The following PCDHGB3 variants were observed in gnomAD, a reference collection of about 807,000 sequenced individuals.
The protein encoded by PCDHGB3 is protocadherin gamma-B3.
PCDHGB3 carries 40 observed loss-of-function variants against 59.2 expected under a neutral mutation model. The observed-to-expected ratio is 0.68, with a 90% CI of 0.52 to 0.88. The LOEUF (loss-of-function observed/expected upper bound fraction) is 0.88, where lower values mean the gene tolerates loss of function less well. Among genes scored for constraint, PCDHGB3 ranks in the 40% least tolerant of loss-of-function variants. The probability of loss-of-function intolerance (pLI) is 0.00; values close to 1 mark genes in which losing one functional copy is unlikely to be tolerated. For synonymous variants in PCDHGB3, 581 were observed against 503.6 expected (o/e 1.15, Z -2.06); for missense variants, 1,309 against 1,187.9 (o/e 1.10, Z -1.50).
At chr5:141,418,066 C>T (rs777602456) in intron 1 of PCDHGB3, 1 of 1,613,980 alleles carries the variant, frequency 6.2e-7, no homozygotes, top group Non-Finnish European at 8.5e-7. Flanking sequence ...TGCGAGTGAG[C>T]GCGGAGAAGC....
At chr5:141,375,730 C>T in intron 1 of PCDHGB3, 3 of 1,614,266 alleles carry the variant, frequency 1.9e-6, no homozygotes, top group Non-Finnish European at 2.5e-6. Context: ...TGTCACTGAG[C>T]CTGTTTGTGC....
At chr5:141,398,864 T>A (rs1399067876) in intron 1 of PCDHGB3, 1 of 1,613,768 alleles carries the variant, frequency 6.2e-7, no homozygotes, top group Non-Finnish European at 8.5e-7. Context: ...AACCGAGACG[T>A]GTACAGAGTC....
chr5:141,432,659 G>A lies in PCDHGB3; in HGVS notation c.2415+59850G>A. On this transcript the variant is annotated intron_variant, in intron 1 of 3. Coordinates refer to ENST00000576222, the MANE Select transcript of PCDHGB3 (RefSeq NM_018924.5). This position sits in a 1 kb window ranked among gnomAD's most constrained non-coding sequence, Gnocchi z 6.0. ...GGTGCGCACGGCGCGAGCCCTGCTG[G>A]ACAGAGACGCGCTCAAGCAGAGCCT... 1 of 1,613,884 alleles carries A rather than the reference G, an allele frequency of 6.2e-7. No homozygotes were observed. The highest frequency in any genetic ancestry group is 8.5e-7 in the Non-Finnish European group (1 of 1,179,956).
chr5:141,425,566 G>T (rs532293951), intron 1 of PCDHGB3, among the ~76,000 whole-genome samples: 1 of 152,348 alleles, frequency 6.6e-6, no homozygotes, highest in Admixed American at 6.5e-5. Context: ...TAAGTGATAA[G>T]AAGGGTTTGG....
rs368792885 is a variant in PCDHGB3, at chr5:141,394,552, G to A, written c.2415+21743G>A. 7.4e-5 allele frequency: 119 copies of A among 1,613,952 alleles called. No homozygotes were observed. Among genetic ancestry groups the A allele is most frequent in the Admixed American group, 8.3e-5 (5 of 60,012 alleles). On this transcript the variant is annotated intron_variant, in intron 1 of 3. Transcript: ENST00000576222. ...TCCACTGGCGTGGAGCTGGCGCCCCGCTCCGCAGAGCGTGGCTACCTGGTG... is the reference window on the plus strand; with the variant it reads ...TCCACTGGCGTGGAGCTGGCGCCCCACTCCGCAGAGCGTGGCTACCTGGTG...
chr5:141,500,176 A>ATTTT (rs1468241826), intron 2 of PCDHGB3, among the ~76,000 whole-genome samples: 91 of 145,916 alleles, frequency 6.2e-4, no homozygotes, highest in African/African-American at 2.3e-3. Context: ...CATGAGCTTC[A>ATTTT]TTTTTATTTT....
At position 141,432,207 on chromosome 5, in the gene PCDHGB3, A is replaced by G. The variant is rs1181424938; in HGVS notation, c.2415+59398A>G. 3 of 1,614,176 alleles carry G rather than the reference A, an allele frequency of 1.9e-6. No homozygotes were observed. The highest frequency in any genetic ancestry group is 2.5e-6 in the Non-Finnish European group (3 of 1,180,026). ...ACCGCCCACGACCCCGACTGTGAAG[A>G]GAACGCCCAGATCACTTATTCCCTG... On this transcript the variant is annotated intron_variant, in intron 1 of 3. Transcript: ENST00000576222. The surrounding 1 kb of genome is among the most constrained non-coding windows in gnomAD (Gnocchi z 6.0).
chr5:141,504,010 C>G (rs980812107), intron 2 of PCDHGB3, among the ~76,000 whole-genome samples: 9 of 152,204 alleles, frequency 5.9e-5, no homozygotes, highest in African/African-American at 1.2e-4. Context: ...TTAACTGTCT[C>G]TGCTGGTCTC....
chr5:141,422,276 T>G, intron 1 of PCDHGB3: 3 of 1,558,820 alleles, frequency 1.9e-6, no homozygotes, highest in South Asian at 1.3e-5. Context: ...GAAATAACTA[T>G]CACCTCTTCT....
intron 2 of PCDHGB3, among the ~76,000 whole-genome samples, chr5:141,495,912 CTT>C (rs1210428397): frequency 6.6e-6 from 1 of 152,140 alleles, no homozygotes; most frequent in Admixed American, 6.6e-5. Flanking sequence ...CTCTGTATAT[CTT>C]TCTTTGTCTC....
chr5:141,421,054 A>G, intron 1 of PCDHGB3: 3 of 571,978 alleles, frequency 5.2e-6, no homozygotes, highest in Non-Finnish European at 9.0e-6. Context: ...CGCCTCTACC[A>G]CACAAAGCGG....
rs372975056 is a variant in PCDHGB3 at position 141,370,964 on chromosome 5, G to A, written c.570G>A (p.Arg190=). Residue 190 remains arginine, a synonymous_variant, in exon 1 of 4, where the codon AGG becomes AGA. Transcript: ENST00000576222. ...AGAAGGAGAACCTGGATGGCAGTAG[G>A]TACCCAGAGCTAGTACTGAAAGCAC... ...LIQKENLDGS[R]YPELVLKAPL... 4.4e-5 allele frequency: 71 copies of A among 1,613,848 alleles called. No individual in the cohort carries two copies. The highest frequency in any genetic ancestry group is 5.6e-5 in the Non-Finnish European group (66 of 1,179,880).
At chr5:141,378,089 T>C (rs1272599640) in intron 1 of PCDHGB3, 1 of 152,254 alleles carries the variant, frequency 6.6e-6, no homozygotes, top group East Asian at 1.9e-4. Flanking sequence ...TATAACTTTT[T>C]TTCAAACTCT....
intron 1 of PCDHGB3, chr5:141,395,349 CAG>C: frequency 7.2e-7 from 1 of 1,382,548 alleles, no homozygotes; most frequent in South Asian, 1.5e-5. Flanking sequence ...AGGTGTATCA[CAG>C]AGTTTTGGGT....
rs1289069128 is a variant in PCDHGB3, at chr5:141,370,580, T to C, written c.186T>C (p.Pro62=). The change falls in exon 1 of 4, where the codon CCT becomes CCC. Residue 62 remains proline, a synonymous_variant. Transcript: ENST00000576222. Reference sequence around the variant, plus strand: ...TGGGGTTTGGCGTGGGGGATTTACCTACTAGGAACCTGCGGGTTATTGCAG... The same window carrying C: ...TGGGGTTTGGCGTGGGGGATTTACCCACTAGGAACCTGCGGGTTATTGCAG... ...KDLGFGVGDL[P]TRNLRVIAEK... is the part of the protein sequence containing the mutation. 6.2e-7 allele frequency: 1 copy of C among 1,613,918 alleles called. No individual in the cohort carries two copies. The highest frequency in any genetic ancestry group is 8.5e-7 in the Non-Finnish European group (1 of 1,179,876).
Position 141,491,456 on chromosome 5 carries a change from C to A in PCDHGB3, c.2416-3351C>A. ...TGCAGGCGCCAGGACTCACCCTCCC[C>A]GGACTTCTATAAGCAGTCCAGCCCC... On this transcript the variant is annotated intron_variant, in intron 1 of 3. Coordinates refer to ENST00000576222, the MANE Select transcript of PCDHGB3 (RefSeq NM_018924.5). The surrounding 1 kb of genome is among the most constrained non-coding windows in gnomAD (Gnocchi z 6.9). 1.2e-6 allele frequency: 2 copies of A among 1,614,104 alleles called. No homozygotes were observed.
Position 141,487,945 on chromosome 5 carries a change from G to A in PCDHGB3, c.2416-6862G>A, listed in dbSNP as rs2099669554. ...CAGTGCACAGGGTACAGTGCACCAG[G>A]CAGTCACTTGGACAAAGGTGGCTGT... On this transcript the variant is annotated intron_variant, in intron 1 of 3. Transcript: ENST00000576222. This position sits in a 1 kb window ranked among gnomAD's most constrained non-coding sequence, Gnocchi z 5.0. Among the ~76,000 whole-genome samples the A allele has an allele frequency of 6.6e-6, 1 of 152,198 alleles. No individual in the cohort carries two copies. Among genetic ancestry groups the A allele is most frequent in the Non-Finnish European group, 1.5e-5 (1 of 68,036 alleles).
At chr5:141,509,404 A>C (rs1248030362) in intron 3 of PCDHGB3, among the ~76,000 whole-genome samples, 3 of 152,112 alleles carry the variant, frequency 2.0e-5, no homozygotes, top group Non-Finnish European at 4.4e-5. Context: ...CAGGGCCTCC[A>C]GCAGCGAGCC....
At position 141,485,009 on chromosome 5, in the gene PCDHGB3, C is replaced by T. The variant is rs531346426; in HGVS notation, c.2416-9798C>T. The T allele has an allele frequency of 6.4e-5, 40 of 628,334 alleles. No homozygotes were observed. Among genetic ancestry groups the T allele is most frequent in the Admixed American group, 5.3e-4 (18 of 33,986 alleles). The allele number at this position is 628,334 out of a possible 1,614,324, so 38.9% of individuals were successfully genotyped here. On this transcript the variant is annotated intron_variant, in intron 1 of 3. Transcript: ENST00000576222. The surrounding 1 kb of genome is among the most constrained non-coding windows in gnomAD (Gnocchi z 5.7). Reference sequence around the variant, plus strand: ...GGTGGTGAAAGGCAGACAAATCTACCCCGCCACCAGCAAAAACGGCGCGTA... The same window carrying T: ...GGTGGTGAAAGGCAGACAAATCTACTCCGCCACCAGCAAAAACGGCGCGTA...
Sources: gnomAD v4.1 joint callset for allele counts (sites outside exome capture counted in the v4.1 genomes callset) on GRCh38, gnomAD v4.1.1 for gene constraint, Gnocchi (gnomAD v3.1) non-coding constraint, MANE v1.5 for transcripts, NCBI Gene and HGNC (gene_info 2026-07-23, HGNC 2026-07-21) for gene names.